Variants in DMBT1 observed in about 807,000 individuals in gnomAD.
DMBT1 encodes the protein scavenger receptor cysteine-rich domain-containing protein DMBT1.
A neutral mutation model predicts 252.9 loss-of-function variants in DMBT1; 198 were observed. The ratio of observed to expected loss-of-function variants is 0.78; its 90% CI spans 0.70 to 0.88. The LOEUF is 0.88. Among genes scored for constraint, DMBT1 ranks in the 40% least tolerant of loss-of-function variants. The pLI, the probability that DMBT1 is intolerant of heterozygous loss-of-function variation, is 0.00. For synonymous variants in DMBT1, 990 were observed against 942.7 expected, an observed-to-expected ratio of 1.05 and a Z score of -0.92; for missense variants, 2,432 against 2,404.7, an observed-to-expected ratio of 1.01 and a Z score of -0.24.
intron 2 of DMBT1, among the ~76,000 whole-genome samples, chr10:122,566,325 C>CTTTTT (rs71026026): frequency 0.03 from 4,485 of 148,454 alleles, 271 homozygotes; most frequent in South Asian, 0.2. Flanking sequence ...TTTCTTTTTT[C>CTTTTT]TTTTTGAGAT....
At position 122,593,636 on chromosome 10, in the gene DMBT1, C is replaced by T. The variant is rs763677819; in HGVS notation, c.2530+38C>T. On this transcript the variant is annotated intron_variant, in intron 21 of 55. Coordinates refer to ENST00000338354, the MANE Select transcript of DMBT1 (RefSeq NM_001377530.1). ...TGTCCTTCCTCAAAATGTCCCTTCT[C>T]TTTCTGCCCAATCACCCCTTCCACA... 5 of 1,575,898 alleles carry T rather than the reference C, an allele frequency of 3.2e-6. No homozygotes were observed. In the South Asian group the frequency reaches 4.6e-5, roughly 14 times the overall value.
chr10:122,629,806 G>A (rs766432978), intron 46 of DMBT1, 34 bp from the exon 47 acceptor site: 1 of 1,605,518 alleles, frequency 6.2e-7, no homozygotes, highest in Admixed American at 1.7e-5. Flanking sequence ...CTGAAGACCT[G>A]GTACAATGGA....
intron 54 of DMBT1, among the ~76,000 whole-genome samples, chr10:122,638,226 T>C (rs1055756598): frequency 6.6e-6 from 1 of 152,100 alleles, no homozygotes; most frequent in African/African-American, 2.4e-5. Flanking sequence ...AAGGTGACCA[T>C]TGTTCCTATG....
At chr10:122,574,875 C>T (rs1236694037) in intron 6 of DMBT1, among the ~76,000 whole-genome samples, 3 of 152,200 alleles carry the variant, frequency 2.0e-5, no homozygotes. Context: ...TTATCAGGAA[C>T]TCTAGTGTCA....
chr10:122,637,046 T>A (rs1039391899), intron 53 of DMBT1, 82 bp from the exon 54 acceptor site: 2 of 1,388,554 alleles, frequency 1.4e-6, no homozygotes, highest in Admixed American at 3.7e-5. Context: ...GTGCACTTTT[T>A]AAGTGGAAAC....
Position 122,589,080 on chromosome 10 carries a change from C to A in DMBT1, c.1920C>A (p.Cys640Ter), listed in dbSNP as rs758533360. 4 of 1,588,792 alleles carry A rather than the reference C, an allele frequency of 2.5e-6. No individual in the cohort carries two copies. The highest frequency in any genetic ancestry group is 1.2e-5 in the South Asian group (1 of 86,930). Residue 640 changes from cysteine to a stop codon, truncating the protein, a stop_gained, in exon 17 of 56, where the codon TGC (cysteine) becomes TGA (stop). Coordinates refer to ENST00000338354, the MANE Select transcript of DMBT1 (RefSeq NM_001377530.1). LOFTEE classifies it high-confidence loss of function. Reference protein sequence around the residue: ...SWDTNDANVVCRQLGCGWATS... With the variant: ...SWDTNDANVV ...ACACCAATGATGCCAATGTGGTCTG[C>A]AGGCAGCTGGGCTGTGGCTGGGCCA... is the stretch of plus-strand genomic sequence containing the variant.
At position 122,637,123 on chromosome 10, in the gene DMBT1, A is replaced by G. The variant is rs1037178852; in HGVS notation, c.6758-5A>G. 6.2e-7 allele frequency: 1 copy of G among 1,613,204 alleles called. No homozygotes were observed. The highest frequency in any genetic ancestry group is 8.5e-7 in the Non-Finnish European group (1 of 1,179,598). On this transcript the variant is annotated splice_polypyrimidine_tract_variant and splice_region_variant and intron_variant, in intron 53 of 55. Coordinates refer to ENST00000338354, the MANE Select transcript of DMBT1 (RefSeq NM_001377530.1). ...CTGAGTGCCTTATCTGTCCTTGTCT[A>G]TCAGACCTGCTCTGTCTGCCAAATC...
chr10:122,600,009 T>C lies in DMBT1; in HGVS notation c.3281-55T>C, dbSNP rs1351758496. ...CCATTTCTTTCCCTCCTCGTTCCAC[T>C]TTGCCGACTTCTGTGTAATGTTCCT... On this transcript the variant is annotated intron_variant, in intron 26 of 55. Transcript: ENST00000338354. 18 of 1,600,090 alleles carry C rather than the reference T, an allele frequency of 1.1e-5. 1 individual carries two copies. The highest frequency in any genetic ancestry group is 1.4e-5 in the Non-Finnish European group (16 of 1,171,710).
chr10:122,629,861 G>C lies in DMBT1; in HGVS notation c.5690G>C (p.Gly1897Ala). Residue 1897 changes from glycine (G) to alanine (A), a missense_variant, in exon 47 of 56, where the codon GGC (glycine) becomes GCC (alanine). Coordinates refer to ENST00000338354, the MANE Select transcript of DMBT1 (RefSeq NM_001377530.1). Reference protein sequence around the residue: ...TTARPSSNCGGFLFYASGTFS... With the variant: ...TTARPSSNCGAFLFYASGTFS... ...CTAGGACCCTCTTCAAATTGTGGTGGCTTCTTATTCTATGCCAGTGGGACA... is the reference window on the plus strand; with the variant it reads ...CTAGGACCCTCTTCAAATTGTGGTGCCTTCTTATTCTATGCCAGTGGGACA... 3 of 1,613,962 alleles carry C rather than the reference G, an allele frequency of 1.9e-6. No homozygotes were observed. Among genetic ancestry groups the C allele is most frequent in the Non-Finnish European group, 8.5e-7 (1 of 1,179,870 alleles).
chr10:122,621,037 G>A lies in DMBT1; in HGVS notation c.5285-20G>A, dbSNP rs748817594. The A allele has an allele frequency of 5.0e-6, 8 of 1,612,492 alleles. No individual in the cohort carries two copies. The highest frequency in any genetic ancestry group is 1.3e-5 in the African/African-American group (1 of 75,012). On this transcript the variant is annotated intron_variant, in intron 43 of 55. Coordinates refer to ENST00000338354, the MANE Select transcript of DMBT1 (RefSeq NM_001377530.1). ...ACCTCATAATCAGTATGGATGAAGGGTTCTTGTGTTCCCCTGTAGGATCTG... is the reference window on the plus strand; with the variant it reads ...ACCTCATAATCAGTATGGATGAAGGATTCTTGTGTTCCCCTGTAGGATCTG...
chr10:122,639,903 T>A, intron 54 of DMBT1, 137 bp from the exon 55 acceptor site: 1 of 1,036,606 alleles, frequency 9.6e-7, no homozygotes, highest in Non-Finnish European at 1.4e-6. Flanking sequence ...GCACGTGCCA[T>A]GGCCATCTCT....
rs367639391 is a variant in DMBT1, at chr10:122,640,004, T to C, written c.6943-36T>C. 2.5e-6 allele frequency: 4 copies of C among 1,593,674 alleles called. No individual in the cohort carries two copies. In the African/African-American group the frequency reaches 5.4e-5, roughly 21 times the overall value. Reference sequence around the variant, plus strand: ...TATGGGATTCCCTTAGCAGGTGACATGTGCCTGACTCTGCTCTCTTGCCTG... The same window carrying C: ...TATGGGATTCCCTTAGCAGGTGACACGTGCCTGACTCTGCTCTCTTGCCTG... On this transcript the variant is annotated intron_variant, in intron 54 of 55. Transcript: ENST00000338354.
intron 16 of DMBT1, 77 bp from the exon 17 acceptor site, chr10:122,588,867 G>C: frequency 1.3e-6 from 2 of 1,575,808 alleles, no homozygotes; most frequent in Non-Finnish European, 1.7e-6. Context: ...ATTAGGAAGT[G>C]CCCTGAGTGT....
At chr10:122,638,332 C>T (rs78723514) in intron 54 of DMBT1, among the ~76,000 whole-genome samples, 8,365 of 151,972 alleles carry the variant, frequency 0.055, 291 homozygotes, top group South Asian at 0.15. Context: ...CATTCACACC[C>T]GTTTGGAGCG....
intron 16 of DMBT1, among the ~76,000 whole-genome samples, chr10:122,588,501 G>A (rs2097814473): frequency 6.7e-6 from 1 of 149,214 alleles, no homozygotes; most frequent in South Asian, 2.2e-4. Flanking sequence ...ATGCACTGCA[G>A]ACCTGCAAGG....
At chr10:122,581,356 T>C (rs1467986256) in intron 11 of DMBT1, among the ~76,000 whole-genome samples, 1 of 145,148 alleles carries the variant, frequency 6.9e-6, no homozygotes, top group Admixed American at 6.7e-5. Context: ...GCAGAGTTTG[T>C]GCTCGGGCAG....
chr10:122,579,678 T>C lies in DMBT1; in HGVS notation c.780T>C (p.Asp260=), dbSNP rs759991541. ...LYRGSWGTVC[D]DYWDTNDANV... ...GAGGCTCCTGGGGCACCGTGTGTGA[T>C]GACTACTGGGACACCAATGATGCCA... The change falls in exon 10 of 56, where the codon GAT becomes GAC. Residue 260 remains aspartate, a synonymous_variant. Transcript: ENST00000338354. 2 of 1,613,850 alleles carry C rather than the reference T, an allele frequency of 1.2e-6. No individual in the cohort carries two copies. Among genetic ancestry groups the C allele is most frequent in the East Asian group, 2.2e-5 (1 of 44,862 alleles).
At chr10:122,638,744 T>C (rs1456973113) in intron 54 of DMBT1, among the ~76,000 whole-genome samples, 3 of 152,238 alleles carry the variant, frequency 2.0e-5, no homozygotes, top group Non-Finnish European at 2.9e-5. Flanking sequence ...GCTCCTGGCC[T>C]CCTCTATTTC....
chr10:122,631,988 C>T, intron 50 of DMBT1, 113 bp downstream of exon 50: 2 of 1,216,618 alleles, frequency 1.6e-6, no homozygotes, highest in Non-Finnish European at 2.4e-6. Flanking sequence ...TCTGTGGTAC[C>T]ATCCTCTACA....
Sources: allele counts gnomAD v4.1 joint callset (sites outside exome capture counted in the v4.1 genomes callset), GRCh38; gene constraint gnomAD v4.1.1; transcripts MANE v1.5; gene names NCBI Gene and HGNC (gene_info 2026-07-23, HGNC 2026-07-21).